Variants in ZNF253 observed in about 807,000 individuals in gnomAD.
The protein encoded by ZNF253 is zinc finger protein 253, also known as DNA-binding protein.
Under a neutral mutation model 11.9 loss-of-function variants are expected in ZNF253, and 8 were observed. The observed-to-expected ratio is 0.67, with a 90% confidence interval of 0.40 to 1.22. The LOEUF (loss-of-function observed/expected upper bound fraction) is 1.22. ZNF253 is among the 50% of genes most tolerant of loss of function. The probability of loss-of-function intolerance (pLI) is 0.01; values close to 1 mark genes in which losing one functional copy is unlikely to be tolerated. For synonymous variants in ZNF253, 194 were observed against 194.9 expected (o/e 1.00, Z 0.04); for missense variants, 485 against 586.9 (o/e 0.83, Z 1.79).
chr19:19,876,478 G>A (rs183810826), intron 1 of ZNF253, among the ~76,000 whole-genome samples: 1 of 152,272 alleles, frequency 6.6e-6, no homozygotes, highest in Admixed American at 6.5e-5. Context: ...CTGAGGACAG[G>A]AAAGGAGAAA....
At chr19:19,872,962 C>G (rs1219457032) in intron 1 of ZNF253, among the ~76,000 whole-genome samples, 2 of 152,042 alleles carry the variant, frequency 1.3e-5, no homozygotes, top group Non-Finnish European at 2.9e-5. Context: ...CTGGCCTCTA[C>G]CACAGATTTA....
At chr19:19,876,973 T>C (rs1407516059) in intron 1 of ZNF253, among the ~76,000 whole-genome samples, 2 of 152,192 alleles carry the variant, frequency 1.3e-5, no homozygotes, top group Non-Finnish European at 2.9e-5. Context: ...GACTTTATAA[T>C]CTGCAATATT....
chr19:19,892,582 T>G lies in ZNF253; in HGVS notation c.1335T>G (p.Ile445Met). The change falls in exon 4 of 4, where the codon ATT becomes ATG. Residue 445 changes from isoleucine (I) to methionine (M), a missense_variant. Ile to Met is a conservative substitution (Grantham distance 10). This residue lies in a region of ZNF253 where 232 missense variants were observed against 321.4 expected (regional missense o/e 0.72). Coordinates refer to ENST00000589717, the MANE Select transcript of ZNF253 (RefSeq NM_021047.3). ...CAACTCTAACTACACATAAGAGAAT[T>G]CATACTGGAGAGAAACCTTACAAAT... ...ASSTLTTHKR[I>M]HTGEKPYKCE... 6.2e-7 allele frequency: 1 copy of G among 1,613,954 alleles called. No homozygotes were observed. The highest frequency in any genetic ancestry group is 8.5e-7 in the Non-Finnish European group (1 of 1,179,926).
chr19:19,893,349 T>C lies in ZNF253; in HGVS notation c.*602T>C, dbSNP rs2063242262. 1.3e-5 allele frequency: 2 copies of C among 152,046 alleles called. No individual in the cohort carries two copies. The allele number at this position is 152,046 out of a possible 1,614,324, so 9.4% of individuals were successfully genotyped here. A position where few individuals can be genotyped will look rare whatever the true frequency, so the allele number is the denominator to read the frequency against. On this transcript the variant is annotated 3_prime_UTR_variant, in exon 4 of 4. Coordinates refer to ENST00000589717, the MANE Select transcript of ZNF253 (RefSeq NM_021047.3). ...TAATTCTTAAGAGACATGGCGATAA[T>C]TCATGCTGAAGAGGAAATCTGGAAA... is the stretch of plus-strand genomic sequence containing the variant.
chr19:19,892,188 G>A lies in ZNF253; in HGVS notation c.941G>A (p.Cys314Tyr), dbSNP rs747470346. 2.0e-5 allele frequency: 32 copies of A among 1,613,544 alleles called. No homozygotes were observed. The highest frequency in any genetic ancestry group is 2.6e-5 in the Non-Finnish European group (31 of 1,179,872). The change falls in exon 4 of 4, where the codon TGT (cysteine) becomes TAT (tyrosine). Residue 314 changes from cysteine (C) to tyrosine (Y), a missense_variant. By Grantham distance (194) the Cys-to-Tyr change is radical. Transcript: ENST00000589717. ...CATACTAGAGGGAAACCCTACAACT[G>A]TGAAGAATGTGGCAAATCCTTTAAG... ...KIHTRGKPYN[C>Y]EECGKSFKHC...
chr19:19,874,649 C>T (rs1202329826), intron 1 of ZNF253, among the ~76,000 whole-genome samples: 2 of 152,114 alleles, frequency 1.3e-5, no homozygotes, highest in Non-Finnish European at 2.9e-5. Flanking sequence ...CAGTGGCTCA[C>T]GCCTGTAATC....
In ZNF253 at chr19:19,892,686, A is replaced by G; in HGVS notation, c.1439A>G (p.Tyr480Cys). The G allele has an allele frequency of 1.2e-6, 2 of 1,610,144 alleles. No homozygotes were observed. Among genetic ancestry groups the G allele is most frequent in the East Asian group, 2.2e-5 (1 of 44,834 alleles). The change falls in exon 4 of 4, where the codon TAC becomes TGC. Residue 480 changes from tyrosine to cysteine, a missense_variant. Physicochemically the swap from Tyr to Cys is radical, Grantham distance 194. Transcript: ENST00000589717. ...HKKIHIERKP[Y>C]IVKNVTDLLN... is the part of the protein sequence containing the mutation. Reference sequence around the variant, plus strand: ...AAAATTCATATTGAACGAAAACCCTACATAGTGAAGAATGTGACAGATCTT... The same window carrying G: ...AAAATTCATATTGAACGAAAACCCTGCATAGTGAAGAATGTGACAGATCTT...
chr19:19,884,172 C>A (rs529706901), intron 3 of ZNF253, among the ~76,000 whole-genome samples: 1 of 151,524 alleles, frequency 6.6e-6, no homozygotes, highest in South Asian at 2.1e-4. Context: ...TAAAATGTGA[C>A]AAGATGGTTA....
At chr19:19,879,073 G>A (rs535009575) in intron 2 of ZNF253, among the ~76,000 whole-genome samples, 5 of 152,212 alleles carry the variant, frequency 3.3e-5, no homozygotes, top group Middle Eastern at 6.8e-3. Context: ...AAAGTCACTG[G>A]CAAAGTGATT....
At chr19:19,875,500 A>T (rs1029622810) in intron 1 of ZNF253, among the ~76,000 whole-genome samples, 4 of 151,900 alleles carry the variant, frequency 2.6e-5, no homozygotes, top group Non-Finnish European at 5.9e-5. Context: ...GGTTCACGCC[A>T]TTCTCCTGCC....
chr19:19,872,580 T>TATATATATATATATATATA (rs1555777030), intron 1 of ZNF253, among the ~76,000 whole-genome samples: 20 of 108,370 alleles, frequency 1.8e-4, no homozygotes, highest in African/African-American at 9.2e-4. Context: ...TATATATATA[T>TATATATATATATATATATA]TATTATATAT....
At chr19:19,873,104 C>G (rs2063141567) in intron 1 of ZNF253, among the ~76,000 whole-genome samples, 1 of 152,116 alleles carries the variant, frequency 6.6e-6, no homozygotes, top group African/African-American at 2.4e-5. Context: ...TTTTTCACAT[C>G]TTGTTCATTG....
intron 1 of ZNF253, among the ~76,000 whole-genome samples, chr19:19,872,583 T>TA (rs371297261): frequency 2.4e-4 from 29 of 120,708 alleles, no homozygotes; most frequent in African/African-American, 8.3e-4. Context: ...ATATATATTA[T>TA]TATATATATA....
At chr19:19,882,217 A>C (rs1049217233) in intron 3 of ZNF253, among the ~76,000 whole-genome samples, 10 of 152,040 alleles carry the variant, frequency 6.6e-5, no homozygotes, top group Non-Finnish European at 7.4e-5. Flanking sequence ...GAAGAAGAAG[A>C]AGCATTGACA....
chr19:19,880,807 T>A (rs1361252088), intron 3 of ZNF253, among the ~76,000 whole-genome samples: 2 of 149,588 alleles, frequency 1.3e-5, no homozygotes, highest in Non-Finnish European at 3.0e-5. Context: ...AAACTAAAAC[T>A]ATTTTTTTAA....
At chr19:19,875,408 C>A (rs756217270) in intron 1 of ZNF253, among the ~76,000 whole-genome samples, 2 of 151,382 alleles carry the variant, frequency 1.3e-5, no homozygotes, top group Non-Finnish European at 2.9e-5. Flanking sequence ...TTCTTTCTTT[C>A]TTTTTTGAGA....
chr19:19,875,092 A>G (rs2145263506), intron 1 of ZNF253, among the ~76,000 whole-genome samples: 1 of 152,280 alleles, frequency 6.6e-6, no homozygotes, highest in South Asian at 2.1e-4. Flanking sequence ...GTCTGCCTCT[A>G]TCCTGGAGTC....
intron 1 of ZNF253, among the ~76,000 whole-genome samples, chr19:19,866,846 G>A (rs2063113534): frequency 6.6e-6 from 1 of 152,112 alleles, no homozygotes; most frequent in Admixed American, 6.6e-5. Context: ...AATCTAGGCT[G>A]ACCCGATTGG....
intron 1 of ZNF253, among the ~76,000 whole-genome samples, chr19:19,873,663 T>C (rs1057286715): frequency 6.6e-6 from 1 of 152,052 alleles, no homozygotes; most frequent in Non-Finnish European, 1.5e-5. Flanking sequence ...GAGACCCAAA[T>C]AGATAAAGTA....
Sources: gnomAD v4.1 joint callset for allele counts (sites outside exome capture counted in the v4.1 genomes callset) on GRCh38, gnomAD v4.1.1 for gene constraint, gnomAD v4.1.1 regional missense constraint, MANE v1.5 for transcripts, NCBI Gene and HGNC (gene_info 2026-07-23, HGNC 2026-07-21) for gene names.